GAREM1: variants seen among roughly 807,000 people sequenced by gnomAD.
GAREM1 encodes GRB2 associated regulator of MAPK1 subtype 1, also known as GRB2-associated and regulator of MAPK protein 1.
GAREM1 carries 26 observed loss-of-function variants against 71.3 expected under a neutral mutation model. That is an observed-to-expected ratio of 0.36 (90% CI 0.27 to 0.51). The LOEUF is 0.51. Among genes scored for constraint, GAREM1 ranks in the 20% least tolerant of loss-of-function variants. The pLI, the probability that GAREM1 is intolerant of heterozygous loss-of-function variation, is 0.95. For synonymous variants in GAREM1, 440 were observed against 433.2 expected, an observed-to-expected ratio of 1.02 and a Z score of -0.20; for missense variants, 1,026 against 1,103.1, an observed-to-expected ratio of 0.93 and a Z score of 0.99.
At chr18:32,346,594 CTT>C (rs1204768055) in intron 2 of GAREM1, among the ~76,000 whole-genome samples, 1 of 152,146 alleles carries the variant, frequency 6.6e-6, no homozygotes, top group Non-Finnish European at 1.5e-5. Flanking sequence ...TTGGGCTCTC[CTT>C]CAGGGTAGGA....
At chr18:32,390,756 A>G (rs1278262197) in intron 2 of GAREM1, among the ~76,000 whole-genome samples, 1 of 152,198 alleles carries the variant, frequency 6.6e-6, no homozygotes, top group Non-Finnish European at 1.5e-5. Context: ...CTTATCTCAC[A>G]TTGTGGATGC....
At chr18:32,462,846 C>T (rs1019948038) in intron 1 of GAREM1, among the ~76,000 whole-genome samples, 1 of 152,136 alleles carries the variant, frequency 6.6e-6, no homozygotes, top group African/African-American at 2.4e-5. Context: ...AGCAATCCCA[C>T]TATGGGTTAT....
intron 1 of GAREM1, among the ~76,000 whole-genome samples, chr18:32,445,230 T>C (rs2048775433): frequency 6.6e-6 from 1 of 151,996 alleles, no homozygotes. Context: ...TATAAACTAA[T>C]GAATGCAGGT....
chr18:32,427,390 C>T (rs1188232211), intron 1 of GAREM1, among the ~76,000 whole-genome samples: 1 of 152,026 alleles, frequency 6.6e-6, no homozygotes, highest in Non-Finnish European at 1.5e-5. Flanking sequence ...AGTAACCAGC[C>T]CCAAATCATT....
At chr18:32,419,994 C>G (rs1327117642) in intron 1 of GAREM1, among the ~76,000 whole-genome samples, 1 of 152,170 alleles carries the variant, frequency 6.6e-6, no homozygotes, top group Non-Finnish European at 1.5e-5. Flanking sequence ...GTATAGCCTG[C>G]TTCATTTACA....
At chr18:32,405,326 G>A (rs1225687189) in intron 1 of GAREM1, among the ~76,000 whole-genome samples, 1 of 152,002 alleles carries the variant, frequency 6.6e-6, no homozygotes, top group African/African-American at 2.4e-5. Context: ...AGCCTCCAGA[G>A]TAGCTGGGAT....
chr18:32,314,795 G>A (rs1305099591), intron 2 of GAREM1, among the ~76,000 whole-genome samples: 1 of 151,860 alleles, frequency 6.6e-6, no homozygotes, highest in Non-Finnish European at 1.5e-5. Flanking sequence ...CACCATGTTG[G>A]TCAGGCTGGT....
chr18:32,378,012 C>CTGTGTGTGTGTGTGTGTG (rs1157230204), intron 2 of GAREM1, among the ~76,000 whole-genome samples: 118 of 131,852 alleles, frequency 8.9e-4, no homozygotes, highest in African/African-American at 2.9e-3. Context: ...TACTATATAA[C>CTGTGTGTGTGTGTGTGTG]TGTGTGTGTG....
intron 2 of GAREM1, among the ~76,000 whole-genome samples, chr18:32,361,521 C>G (rs2047865281): frequency 2.0e-5 from 3 of 152,134 alleles, no homozygotes; most frequent in African/African-American, 7.2e-5. Context: ...ACAAATTCAT[C>G]TGGTGCAGAG....
chr18:32,374,899 GT>G (rs1174675160), intron 2 of GAREM1, among the ~76,000 whole-genome samples: 2 of 152,108 alleles, frequency 1.3e-5, no homozygotes, highest in Non-Finnish European at 2.9e-5. Context: ...TGCAGACATG[GT>G]TCCAATAGAG....
At chr18:32,269,550 G>A (rs983890534) in intron 5 of GAREM1, among the ~76,000 whole-genome samples, 4 of 152,142 alleles carry the variant, frequency 2.6e-5, no homozygotes, top group East Asian at 3.8e-4. Context: ...TAGCTGACTC[G>A]GAATTTTCAT....
chr18:32,392,163 A>G (rs926763669), intron 2 of GAREM1, among the ~76,000 whole-genome samples: 2 of 152,086 alleles, frequency 1.3e-5, no homozygotes, highest in African/African-American at 4.8e-5. Context: ...TCCTTTATAT[A>G]ATGTATTATA....
At chr18:32,329,758 T>C (rs2047513656) in intron 2 of GAREM1, among the ~76,000 whole-genome samples, 1 of 143,312 alleles carries the variant, frequency 7.0e-6, no homozygotes, top group Non-Finnish European at 1.5e-5. Context: ...AAGTTCCTGA[T>C]GTAGGTAAGA....
At chr18:32,332,831 G>T (rs1013384036) in intron 2 of GAREM1, among the ~76,000 whole-genome samples, 1 of 152,138 alleles carries the variant, frequency 6.6e-6, no homozygotes, top group Non-Finnish European at 1.5e-5. Flanking sequence ...GGTCCCTCCT[G>T]TCTGTGCCCC....
At position 32,287,972 on chromosome 18, in the gene GAREM1, T is replaced by C. The variant is rs755725005; in HGVS notation, c.625A>G (p.Ile209Val). 9.3e-6 allele frequency: 15 copies of C among 1,614,060 alleles called. No homozygotes were observed. The African/African-American group carries it at 1.1e-4, about 11-fold the overall frequency. Residue 209 changes from isoleucine (I) to valine (V), a missense_variant, in exon 4 of 6, where the codon ATT becomes GTT. Coordinates refer to ENST00000269209, the MANE Select transcript of GAREM1 (RefSeq NM_001242409.2). This position sits in a 1 kb window ranked among gnomAD's most constrained non-coding sequence, Gnocchi z 5.9. ...CCCTTGCACTGGAATGGAAGGCTAA[T>C]GCTTTCGTTGGTCCGGTGATTCATA... ...ICMNHRTNESISLPFQCKGRF... is the reference protein window; with the variant it reads ...ICMNHRTNESVSLPFQCKGRF...
At chr18:32,338,622 A>G (rs1400339127) in intron 2 of GAREM1, among the ~76,000 whole-genome samples, 2 of 152,222 alleles carry the variant, frequency 1.3e-5, no homozygotes, top group Non-Finnish European at 2.9e-5. Context: ...TGGTTCTTTA[A>G]GGTCTTGAAA....
intron 5 of GAREM1, 52 bp from the exon 6 acceptor site, chr18:32,268,820 C>T: frequency 2.0e-6 from 3 of 1,491,118 alleles, no homozygotes; most frequent in Non-Finnish European, 2.7e-6. Flanking sequence ...AAGCCAAATC[C>T]CAAGGCTTTT....
intron 1 of GAREM1, among the ~76,000 whole-genome samples, chr18:32,393,768 T>C (rs13381344): frequency 0.21 from 32,386 of 152,126 alleles, 4,257 homozygotes; most frequent in African/African-American, 0.37. Context: ...TTTGAACGGA[T>C]GACAAACTAT....
chr18:32,307,563 C>A (rs1181353727), intron 3 of GAREM1, among the ~76,000 whole-genome samples: 1 of 152,212 alleles, frequency 6.6e-6, no homozygotes, highest in Non-Finnish European at 1.5e-5. Flanking sequence ...CACTCTGTCG[C>A]TAAGGCTGGA....
Sources: gnomAD v4.1 joint callset for allele counts (sites outside exome capture counted in the v4.1 genomes callset) on GRCh38, gnomAD v4.1.1 for gene constraint, Gnocchi (gnomAD v3.1) non-coding constraint, MANE v1.5 for transcripts, NCBI Gene and HGNC (gene_info 2026-07-23, HGNC 2026-07-21) for gene names.